Variants in SNX4 observed in about 807,000 individuals in gnomAD.
SNX4 encodes the protein sorting nexin-4.
In SNX4, 49 loss-of-function variants were observed where a neutral mutation model predicts 70.8. The ratio of observed to expected loss-of-function variants is 0.69; its 90% CI spans 0.55 to 0.88. The LOEUF (loss-of-function observed/expected upper bound fraction) is 0.88, where lower values mean the gene tolerates loss of function less well. SNX4 is among the 40% of genes least tolerant of loss of function. SNX4 has a pLI of 0.00. For synonymous variants in SNX4, 206 were observed against 183.8 expected, an observed-to-expected ratio of 1.12 and a Z score of -0.98; for missense variants, 528 against 544.8, an observed-to-expected ratio of 0.97 and a Z score of 0.31.
intron 1 of SNX4, among the ~76,000 whole-genome samples, chr3:125,506,260 G>GA (rs1046300076): frequency 1.3e-5 from 2 of 151,290 alleles, no homozygotes; most frequent in South Asian, 2.1e-4. Context: ...CCTTCAGAGG[G>GA]AAAAAATACA....
intron 1 of SNX4, among the ~76,000 whole-genome samples, chr3:125,510,418 A>C (rs1935145844): frequency 1.3e-5 from 2 of 151,916 alleles, no homozygotes; most frequent in Non-Finnish European, 2.9e-5. Flanking sequence ...TTTAGTACAG[A>C]CAGGGTTTCA....
intron 5 of SNX4, among the ~76,000 whole-genome samples, chr3:125,496,331 T>A (rs1054479895): frequency 1.3e-5 from 2 of 152,122 alleles, no homozygotes; most frequent in African/African-American, 4.8e-5. Flanking sequence ...TAAATTAGAA[T>A]CAGTTTATGA....
At chr3:125,490,147 T>G (rs1934619256) in intron 5 of SNX4, among the ~76,000 whole-genome samples, 1 of 149,268 alleles carries the variant, frequency 6.7e-6, no homozygotes, top group South Asian at 2.1e-4. Flanking sequence ...AACTACTGCT[T>G]TAGAGTCTGC....
Position 125,464,564 on chromosome 3 carries a change from C to CTTTTTTTTTTTTT in SNX4, c.855-3717_855-3705dup, listed in dbSNP as rs778518316. ...CTGTTCCATTGATCTATTTATCTTT[C>CTTTTTTTTTTTTT]TTTTTTTTTTTTTTTTTTTTTTTTT... On this transcript the variant is annotated intron_variant, in intron 9 of 13. Coordinates refer to ENST00000251775, the MANE Select transcript of SNX4 (RefSeq NM_003794.4). Among the ~76,000 whole-genome samples, 7 of 67,054 alleles carry CTTTTTTTTTTTTT rather than the reference C, an allele frequency of 1.0e-4. 1 individual carries two copies. The highest frequency in any genetic ancestry group is 1.3e-4 in the African/African-American group (2 of 15,032). 44.0% of individuals were successfully genotyped at this position (67,054 alleles called of 152,430 possible). A position where few individuals can be genotyped will look rare whatever the true frequency, so the allele number is the denominator to read the frequency against.
chr3:125,506,206 C>A (rs1935039216), intron 1 of SNX4, among the ~76,000 whole-genome samples: 1 of 151,394 alleles, frequency 6.6e-6, no homozygotes, highest in African/African-American at 2.4e-5. Context: ...TCAACAACAA[C>A]AAAAAAAATC....
intron 2 of SNX4, among the ~76,000 whole-genome samples, chr3:125,502,268 G>A (rs1934944853): frequency 4.0e-5 from 6 of 151,752 alleles, no homozygotes; most frequent in Admixed American, 3.9e-4. Flanking sequence ...ACATACATAT[G>A]TCATGAAATG....
intron 7 of SNX4, among the ~76,000 whole-genome samples, chr3:125,477,439 C>G (rs1934312095): frequency 6.6e-6 from 1 of 152,070 alleles, no homozygotes; most frequent in Admixed American, 6.6e-5. Flanking sequence ...AAAACAAAAC[C>G]TCAATATGGT....
At chr3:125,490,472 C>T (rs186312036) in intron 5 of SNX4, among the ~76,000 whole-genome samples, 32 of 136,100 alleles carry the variant, frequency 2.4e-4, no homozygotes, top group Admixed American at 2.3e-3. Flanking sequence ...TGCAGTGAGC[C>T]GAGATCGTGC....
rs1357049520 is a variant in SNX4, at chr3:125,480,306, G to C, written c.667C>G (p.Leu223Val). The C allele has an allele frequency of 2.0e-6, 3 of 1,530,816 alleles. No homozygotes were observed. The East Asian group carries it at 7.1e-5, about 36-fold the overall frequency. 94.8% of individuals were successfully genotyped at this position (1,530,816 alleles called of 1,614,324 possible). Residue 223 changes from leucine (L) to valine (V), a missense_variant, in exon 7 of 14, where the codon CTT becomes GTT. Coordinates refer to ENST00000251775, the MANE Select transcript of SNX4 (RefSeq NM_003794.4). ...VKNPDKRFTD[L>V]KHYSDELQSV... is the part of the protein sequence containing the mutation. ...TGCAGTTCATCACTATAGTGCTTAA[G>C]GTCAGTAAATCTCCTGAAACAGGAA...
chr3:125,465,906 C>A (rs1391757205), intron 9 of SNX4, among the ~76,000 whole-genome samples: 1 of 152,074 alleles, frequency 6.6e-6, no homozygotes, highest in East Asian at 1.9e-4. Flanking sequence ...GCATCCCAAA[C>A]AGCTGAGATT....
At position 125,520,180 on chromosome 3, in the gene SNX4, G is replaced by T; in HGVS notation, c.-8C>A. On this transcript the variant is annotated 5_prime_UTR_variant, in exon 1 of 14. In the 5' UTR this introduces an upstream ATG that the reference lacks. Coordinates refer to ENST00000251775, the MANE Select transcript of SNX4 (RefSeq NM_003794.4). The stretch of plus-strand genomic sequence containing the variant: ...CGGAGGTGCCTGCTCCATGGCTGCA[G>T]TTCGGCGCGGCGAACCCAGTGCGCC... The T allele has an allele frequency of 7.4e-7, 1 of 1,359,778 alleles. No homozygotes were observed. The highest frequency in any genetic ancestry group is 9.5e-7 in the Non-Finnish European group (1 of 1,058,118). The allele number at this position is 1,359,778 out of a possible 1,614,324, so 84.2% of individuals were successfully genotyped here.
In SNX4 at chr3:125,499,486, C is replaced by G. The variant is rs147987954; in HGVS notation, c.264-1292G>C. Reference sequence around the variant, plus strand: ...TCATTGCATATTAATAAAAATGAACCAAAATATGAAATGCAAAATTCACAA... The same window carrying G: ...TCATTGCATATTAATAAAAATGAACGAAAATATGAAATGCAAAATTCACAA... On this transcript the variant is annotated intron_variant, in intron 2 of 13. Coordinates refer to ENST00000251775, the MANE Select transcript of SNX4 (RefSeq NM_003794.4). 2.2e-3 allele frequency among the ~76,000 whole-genome samples: 340 copies of G among 151,852 alleles called. 1 individual carries two copies. Among genetic ancestry groups the G allele is most frequent in the African/African-American group, 8.0e-3 (331 of 41,416 alleles).
chr3:125,482,372 G>A (rs1409330780), intron 6 of SNX4, among the ~76,000 whole-genome samples: 2 of 152,124 alleles, frequency 1.3e-5, no homozygotes, highest in African/African-American at 4.8e-5. Flanking sequence ...GAGTGCATCT[G>A]TATTTCCTTC....
At chr3:125,462,593 CAAAAAAAAAA>C (rs34157775) in intron 9 of SNX4, among the ~76,000 whole-genome samples, 309 of 48,260 alleles carry the variant, frequency 6.4e-3, no homozygotes, top group African/African-American at 0.024. Flanking sequence ...TCTGTCTCAC[CAAAAAAAAAA>C]AAAAAAAAAA....
At chr3:125,462,406 A>G (rs1305028206) in intron 9 of SNX4, among the ~76,000 whole-genome samples, 1 of 151,990 alleles carries the variant, frequency 6.6e-6, no homozygotes, top group Non-Finnish European at 1.5e-5. Flanking sequence ...CCTGGGCAAC[A>G]TGGCAAGACC....
intron 9 of SNX4, among the ~76,000 whole-genome samples, chr3:125,466,344 CAA>C (rs75116020): frequency 8.5e-5 from 9 of 105,734 alleles, no homozygotes; most frequent in Non-Finnish European, 6.2e-5. Context: ...TAACTATTAA[CAA>C]AAAAAAAAAA....
intron 8 of SNX4, among the ~76,000 whole-genome samples, chr3:125,475,976 A>AT (rs916257395): frequency 1.1e-4 from 17 of 151,506 alleles, no homozygotes; most frequent in African/African-American, 3.2e-4. Context: ...GAGACCCTGT[A>AT]TTAAAAAAAA....
chr3:125,508,590 A>G (rs1220720385), intron 1 of SNX4, among the ~76,000 whole-genome samples: 2 of 151,850 alleles, frequency 1.3e-5, no homozygotes, highest in African/African-American at 2.4e-5. Flanking sequence ...AAGAAAATGT[A>G]GCATAAAATT....
intron 9 of SNX4, among the ~76,000 whole-genome samples, chr3:125,469,041 G>A (rs538471097): frequency 6.6e-6 from 1 of 152,004 alleles, no homozygotes; most frequent in South Asian, 2.1e-4. Flanking sequence ...TACTAAAAGC[G>A]GCAAGAGCAA....
Sources: gnomAD v4.1 joint callset for allele counts (sites outside exome capture counted in the v4.1 genomes callset) on GRCh38, gnomAD v4.1.1 for gene constraint, MANE v1.5 for transcripts, NCBI Gene and HGNC (gene_info 2026-07-23, HGNC 2026-07-21) for gene names.